The following MYO3A variants were observed in gnomAD, a reference collection of about 807,000 sequenced individuals.
The protein encoded by MYO3A is myosin-IIIa.
A neutral mutation model predicts 192.7 loss-of-function variants in MYO3A; 180 were observed. The observed-to-expected ratio is 0.93, with a 90% CI of 0.83 to 1.06. The LOEUF is 1.06. MYO3A is among the 50% of genes least tolerant of loss of function. MYO3A has a pLI of 0.00. For missense variants in MYO3A, 1,896 were observed against 1,905.0 expected, an observed-to-expected ratio of 1.00 and a Z score of 0.09; for synonymous variants, 628 against 645.3, an observed-to-expected ratio of 0.97 and a Z score of 0.41.
intron 26 of MYO3A, among the ~76,000 whole-genome samples, chr10:26,163,491 G>C (rs1426996818): frequency 6.6e-6 from 1 of 152,198 alleles, no homozygotes; most frequent in Non-Finnish European, 1.5e-5. Flanking sequence ...ATTCAATTAA[G>C]GTAATGGCAG....
intron 6 of MYO3A, among the ~76,000 whole-genome samples, chr10:26,001,522 T>C (rs11014894): frequency 0.094 from 14,358 of 152,154 alleles, 1,194 homozygotes; most frequent in African/African-American, 0.21. Context: ...CCACAGGAAG[T>C]GCTCTCTGCA....
intron 23 of MYO3A, 116 bp downstream of exon 23, chr10:26,147,675 T>C (rs771333139): frequency 6.9e-7 from 1 of 1,448,350 alleles, no homozygotes; most frequent in Non-Finnish European, 9.5e-7. Flanking sequence ...TTCGGCTCAC[T>C]AAATATTCAT....
intron 10 of MYO3A, among the ~76,000 whole-genome samples, chr10:26,060,259 CAATA>C (rs1456345707): frequency 7.5e-6 from 1 of 133,458 alleles, no homozygotes. Context: ...AACTCCATCT[CAATA>C]AATAAATAAA....
At chr10:26,069,627 A>G (rs1184872074) in intron 12 of MYO3A, among the ~76,000 whole-genome samples, 1 of 152,016 alleles carries the variant, frequency 6.6e-6, no homozygotes. Flanking sequence ...TTCAGGAGAT[A>G]CGGGTTTTGG....
chr10:26,036,670 A>G (rs1035892751), intron 10 of MYO3A, among the ~76,000 whole-genome samples: 5 of 152,142 alleles, frequency 3.3e-5, no homozygotes, highest in African/African-American at 9.7e-5. Flanking sequence ...GGCTCCCATC[A>G]CAAGTTGCCG....
At chr10:26,191,992 T>A (rs763790342) in intron 31 of MYO3A, among the ~76,000 whole-genome samples, 1 of 152,176 alleles carries the variant, frequency 6.6e-6, no homozygotes, top group African/African-American at 2.4e-5. Flanking sequence ...AGCTTTCCAA[T>A]AAGTACCATA....
chr10:25,995,438 C>T (rs543936090), intron 4 of MYO3A, among the ~76,000 whole-genome samples: 23 of 152,282 alleles, frequency 1.5e-4, no homozygotes, highest in African/African-American at 5.3e-4. Context: ...AACTTCTTTG[C>T]GATGGATTCG....
intron 20 of MYO3A, among the ~76,000 whole-genome samples, chr10:26,141,101 G>A (rs1401413738): frequency 1.3e-5 from 2 of 152,088 alleles, no homozygotes; most frequent in Non-Finnish European, 2.9e-5. Context: ...CTAATTTTAT[G>A]TATTTTTAGT....
At chr10:26,135,906 C>G (rs1325771574) in intron 20 of MYO3A, among the ~76,000 whole-genome samples, 1 of 142,690 alleles carries the variant, frequency 7.0e-6, no homozygotes, top group Non-Finnish European at 1.5e-5. Flanking sequence ...CCAGAGGTTG[C>G]AGTGAGCTGA....
intron 10 of MYO3A, among the ~76,000 whole-genome samples, chr10:26,061,321 A>G (rs1240129210): frequency 2.0e-5 from 3 of 152,230 alleles, no homozygotes; most frequent in East Asian, 1.9e-4. Context: ...TAGCAGGAAC[A>G]ATGAACATGT....
chr10:26,183,576 A>C (rs1372578010), intron 31 of MYO3A, among the ~76,000 whole-genome samples: 2 of 152,176 alleles, frequency 1.3e-5, no homozygotes, highest in Non-Finnish European at 2.9e-5. Context: ...GTCGTTTTCA[A>C]GGATCTGGGT....
Position 26,029,689 on chromosome 10 carries a change from G to A in MYO3A, c.953+3157G>A, listed in dbSNP as rs138124797. On this transcript the variant is annotated intron_variant, in intron 10 of 34. Coordinates refer to ENST00000642920, the MANE Select transcript of MYO3A (RefSeq NM_017433.5). ...TCTGGCTATTCATTTTTTCTTTTGG[G>A]GGAATGTAATTCCGCTTTTTTTCTC... is the stretch of plus-strand genomic sequence containing the variant. 4.5e-3 allele frequency among the ~76,000 whole-genome samples: 679 copies of A among 151,710 alleles called. 5 individuals carry two copies. Among genetic ancestry groups the A allele is most frequent in the African/African-American group, 0.016 (643 of 41,358 alleles).
chr10:26,058,062 A>G (rs888334101), intron 10 of MYO3A, among the ~76,000 whole-genome samples: 6 of 152,256 alleles, frequency 3.9e-5, no homozygotes, highest in Non-Finnish European at 8.8e-5. Flanking sequence ...TGACAAATGT[A>G]TAATGATAAG....
At chr10:26,113,161 C>G (rs1263733241) in intron 17 of MYO3A, among the ~76,000 whole-genome samples, 3 of 152,008 alleles carry the variant, frequency 2.0e-5, no homozygotes. Context: ...CCATGAAATA[C>G]TCACTTCATT....
intron 10 of MYO3A, among the ~76,000 whole-genome samples, chr10:26,053,606 G>A (rs117926417): frequency 0.16 from 24,711 of 152,006 alleles, 2,294 homozygotes; most frequent in Non-Finnish European, 0.21. Context: ...AGGGCGGATC[G>A]CGAGGTCAGG....
intron 14 of MYO3A, among the ~76,000 whole-genome samples, chr10:26,085,599 C>A (rs1477496423): frequency 6.6e-6 from 1 of 152,200 alleles, no homozygotes; most frequent in Non-Finnish European, 1.5e-5. Flanking sequence ...GGCTTGGAGG[C>A]TCAGGGTGCA....
intron 17 of MYO3A, among the ~76,000 whole-genome samples, chr10:26,111,316 C>T (rs918857292): frequency 6.6e-6 from 1 of 152,176 alleles, no homozygotes; most frequent in Non-Finnish European, 1.5e-5. Flanking sequence ...GGGGCACACT[C>T]CAAGGAGACT....
At chr10:26,058,940 G>A (rs1588877911) in intron 10 of MYO3A, among the ~76,000 whole-genome samples, 1 of 151,528 alleles carries the variant, frequency 6.6e-6, no homozygotes. Context: ...ATTTCATTGG[G>A]GGGTGCAAAT....
At chr10:26,193,101 G>C in intron 31 of MYO3A, 104 bp from the exon 32 acceptor site, 2 of 920,914 alleles carry the variant, frequency 2.2e-6, no homozygotes, top group Non-Finnish European at 3.4e-6. Flanking sequence ...TCCAGCCTTA[G>C]CCTCAGTCAT....
Sources: gnomAD v4.1 joint callset for allele counts (sites outside exome capture counted in the v4.1 genomes callset) on GRCh38, gnomAD v4.1.1 for gene constraint, MANE v1.5 for transcripts, NCBI Gene and HGNC (gene_info 2026-07-23, HGNC 2026-07-21) for gene names.